ERC1: variants seen among roughly 807,000 people sequenced by gnomAD.
The protein encoded by ERC1 is ELKS/RAB6-interacting/CAST family member 1, also known as RAB6 interacting protein 2.
In ERC1, 56 loss-of-function variants were observed where a neutral mutation model predicts 132.0. The observed-to-expected ratio is 0.42, with a 90% CI of 0.34 to 0.53. The LOEUF is 0.53. ERC1 is among the 20% of genes least tolerant of loss of function. The pLI is 0.03. For synonymous variants in ERC1, 478 were observed against 476.1 expected, an observed-to-expected ratio of 1.00 and a Z score of -0.05; for missense variants, 1,202 against 1,349.9, an observed-to-expected ratio of 0.89 and a Z score of 1.72.
intron 15 of ERC1, among the ~76,000 whole-genome samples, chr12:1,293,967 A>G (rs2079704702): frequency 6.6e-6 from 1 of 152,220 alleles, no homozygotes; most frequent in African/African-American, 2.4e-5. Context: ...CACATAATAT[A>G]AAATTATTTT....
intron 18 of ERC1, 59 bp from the exon 19 acceptor site, chr12:1,490,034 C>A: frequency 1.3e-6 from 2 of 1,563,766 alleles, no homozygotes; most frequent in Non-Finnish European, 1.8e-6. Context: ...AAAAATAATT[C>A]TTAGCTCAGT....
At chr12:1,484,216 G>A (rs190896798) in intron 18 of ERC1, among the ~76,000 whole-genome samples, 32 of 151,896 alleles carry the variant, frequency 2.1e-4, no homozygotes, top group East Asian at 6.0e-4. Flanking sequence ...GAGGCAGGAG[G>A]ATGGTGTGAA....
intron 15 of ERC1, among the ~76,000 whole-genome samples, chr12:1,309,961 GT>G (rs376120283): frequency 4.9e-5 from 7 of 143,892 alleles, no homozygotes; most frequent in African/African-American, 1.0e-4. Flanking sequence ...GTTTTGTTTT[GT>G]TTTGAGACAG....
chr12:1,383,028 T>C (rs977281109), intron 16 of ERC1, among the ~76,000 whole-genome samples: 15 of 152,306 alleles, frequency 9.8e-5, no homozygotes, highest in African/African-American at 3.1e-4. Flanking sequence ...TTTCCAGATG[T>C]AGGAAAATCC....
At chr12:1,248,688 C>T (rs1363283523) in intron 13 of ERC1, among the ~76,000 whole-genome samples, 1 of 152,188 alleles carries the variant, frequency 6.6e-6, no homozygotes, top group East Asian at 1.9e-4. Flanking sequence ...CTGTTTTTTG[C>T]AATATCTGGA....
At chr12:1,323,033 C>G (rs546225259) in intron 15 of ERC1, among the ~76,000 whole-genome samples, 11 of 152,076 alleles carry the variant, frequency 7.2e-5, no homozygotes, top group Non-Finnish European at 1.0e-4. Flanking sequence ...TATTGCCAAG[C>G]TGTTTCCTCA....
intron 13 of ERC1, among the ~76,000 whole-genome samples, chr12:1,255,811 A>AT (rs112251784): frequency 0.055 from 8,011 of 145,966 alleles, 489 homozygotes; most frequent in African/African-American, 0.16. Context: ...TTTTTTTTGT[A>AT]TTTTTTTTTA....
intron 16 of ERC1, among the ~76,000 whole-genome samples, chr12:1,399,529 A>T (rs572174448): frequency 6.6e-6 from 1 of 152,330 alleles, no homozygotes; most frequent in Non-Finnish European, 1.5e-5. Flanking sequence ...TTTGCTGCTC[A>T]AATTGTTAAA....
At chr12:1,101,275 T>G (rs1944626714) in intron 3 of ERC1, among the ~76,000 whole-genome samples, 1 of 152,192 alleles carries the variant, frequency 6.6e-6, no homozygotes, top group African/African-American at 2.4e-5. Flanking sequence ...CTGGGAGGAC[T>G]AGAGAACTGG....
At chr12:1,464,641 C>T (rs2093707975) in intron 18 of ERC1, among the ~76,000 whole-genome samples, 1 of 150,948 alleles carries the variant, frequency 6.6e-6, no homozygotes, top group South Asian at 2.1e-4. Context: ...TGCCCTCACC[C>T]TCCCGAGTAG....
At chr12:1,475,098 CCT>C (rs1202564860) in intron 18 of ERC1, among the ~76,000 whole-genome samples, 1 of 152,178 alleles carries the variant, frequency 6.6e-6, no homozygotes, top group Non-Finnish European at 1.5e-5. Context: ...CCAGAGGCCA[CCT>C]TCGTATCCTA....
At chr12:1,449,166 A>T (rs1025459388) in intron 18 of ERC1, among the ~76,000 whole-genome samples, 2 of 152,164 alleles carry the variant, frequency 1.3e-5, no homozygotes, top group Admixed American at 1.3e-4. Context: ...CCCTCATTGT[A>T]TCTAGGAAGT....
At chr12:1,127,648 A>G (rs1948346182) in intron 7 of ERC1, among the ~76,000 whole-genome samples, 1 of 152,210 alleles carries the variant, frequency 6.6e-6, no homozygotes, top group Non-Finnish European at 1.5e-5. Flanking sequence ...AAAAGTAAAA[A>G]ACAGGTTGAG....
intron 10 of ERC1, 95 bp downstream of exon 10, chr12:1,182,160 T>C (rs1168513773): frequency 1.6e-6 from 2 of 1,212,314 alleles, no homozygotes; most frequent in Admixed American, 5.1e-5. Context: ...AAGTATTCGA[T>C]GGAAAATTTT....
intron 13 of ERC1, among the ~76,000 whole-genome samples, chr12:1,249,443 C>T (rs754316841): frequency 6.6e-6 from 1 of 152,102 alleles, no homozygotes; most frequent in African/African-American, 2.4e-5. Flanking sequence ...CCTAAATCCT[C>T]GCAGTTGGAA....
chr12:1,080,971 T>C (rs935099754), intron 2 of ERC1, among the ~76,000 whole-genome samples: 1 of 152,096 alleles, frequency 6.6e-6, no homozygotes, highest in Non-Finnish European at 1.5e-5. Flanking sequence ...AATGCAGGTA[T>C]TTATACCCTT....
At chr12:1,361,508 G>A (rs1183628073) in intron 15 of ERC1, among the ~76,000 whole-genome samples, 1 of 152,128 alleles carries the variant, frequency 6.6e-6, no homozygotes, top group African/African-American at 2.4e-5. Context: ...AATGAGTTTT[G>A]GGTGCCACCT....
At chr12:1,426,216 G>A (rs1184965597) in intron 17 of ERC1, among the ~76,000 whole-genome samples, 2 of 150,852 alleles carry the variant, frequency 1.3e-5, no homozygotes, top group East Asian at 3.9e-4. Flanking sequence ...TGATTCTCCT[G>A]CCTCAGCCTC....
chr12:1,323,749 T>C (rs972131429), intron 15 of ERC1, among the ~76,000 whole-genome samples: 6 of 152,162 alleles, frequency 3.9e-5, no homozygotes, highest in African/African-American at 1.4e-4. Flanking sequence ...CACTCCAAAA[T>C]AGAAAAGGCA....
Sources: gnomAD v4.1 joint callset for allele counts (sites outside exome capture counted in the v4.1 genomes callset) on GRCh38, gnomAD v4.1.1 for gene constraint, MANE v1.5 for transcripts, NCBI Gene and HGNC (gene_info 2026-07-23, HGNC 2026-07-21) for gene names.